UIMC1: variants seen among roughly 807,000 people sequenced by gnomAD.
UIMC1 encodes the protein BRCA1-A complex subunit RAP80.
In UIMC1, 42 loss-of-function variants were observed where a neutral mutation model predicts 84.9. That is an observed-to-expected ratio of 0.49 (90% CI 0.39 to 0.64). UIMC1 has a LOEUF of 0.64. Among genes scored for constraint, UIMC1 ranks in the 30% least tolerant of loss-of-function variants. UIMC1 has a pLI of 0.00. For missense variants in UIMC1, 825 were observed against 847.6 expected (o/e 0.97, Z 0.33); for synonymous variants, 281 against 293.0 (o/e 0.96, Z 0.42).
At chr5:177,017,027 AATGAAATGAAAT>A (rs2149555609) in intron 1 of UIMC1, among the ~76,000 whole-genome samples, 1 of 152,322 alleles carries the variant, frequency 6.6e-6, no homozygotes, top group South Asian at 2.1e-4. Context: ...CTGTCAAAAT[AATGAAATGAAAT>A]ATGAAATGAA....
chr5:176,945,957 T>C lies in UIMC1; in HGVS notation c.1444-2469A>G, dbSNP rs1238812232. ...ATTGTAAATTCTTATCTCTGTATAC[T>C]ATACTTCTACATAGAAATGTACTGT... On this transcript the variant is annotated intron_variant, in intron 9 of 14. Transcript: ENST00000511320. Among the ~76,000 whole-genome samples the C allele has an allele frequency of 2.0e-5, 3 of 152,222 alleles. No homozygotes were observed. The East Asian group carries it at 5.8e-4, about 29-fold the overall frequency.
At chr5:176,919,702 C>A (rs924009886) in intron 10 of UIMC1, among the ~76,000 whole-genome samples, 1 of 152,212 alleles carries the variant, frequency 6.6e-6, no homozygotes, top group Non-Finnish European at 1.5e-5. Context: ...CATGGTTTTG[C>A]AAGTGGATAT....
At chr5:177,021,907 C>T (rs1288531898) in intron 1 of UIMC1, among the ~76,000 whole-genome samples, 1 of 152,188 alleles carries the variant, frequency 6.6e-6, no homozygotes, top group Admixed American at 6.5e-5. Flanking sequence ...CCCCCTTAGC[C>T]TCCCAAAGTG....
chr5:177,007,340 C>CAAAAAAAAA, upstream of UIMC1, among the ~76,000 whole-genome samples: 1 of 58,396 alleles, frequency 1.7e-5, no homozygotes. Context: ...GACTCCGTCT[C>CAAAAAAAAA]AAAAAAAAAA....
Position 176,905,554 on chromosome 5 carries a change from T to C in UIMC1, c.1950-62A>G. 7 of 1,469,128 alleles carry C rather than the reference T, an allele frequency of 4.8e-6. No homozygotes were observed. The East Asian group carries it at 6.8e-5, about 14-fold the overall frequency. The allele number at this position is 1,469,128 out of a possible 1,614,324, so 91.0% of individuals were successfully genotyped here. A position where few individuals can be genotyped will look rare whatever the true frequency, so the allele number is the denominator to read the frequency against. ...CCTACTAAGCATCAAGGACATGCTATGCACTGTATCAGGGGATTTTACATA... is the reference window on the plus strand; with the variant it reads ...CCTACTAAGCATCAAGGACATGCTACGCACTGTATCAGGGGATTTTACATA... On this transcript the variant is annotated intron_variant, in intron 14 of 14. Transcript: ENST00000511320.
Position 176,906,032 on chromosome 5 carries a change from G to C in UIMC1, c.1928C>G (p.Ser643Cys), listed in dbSNP as rs564538998. 6 of 1,614,040 alleles carry C rather than the reference G, an allele frequency of 3.7e-6. No homozygotes were observed. Among genetic ancestry groups the C allele is most frequent in the Non-Finnish European group, 5.1e-6 (6 of 1,179,960 alleles). The change falls in exon 14 of 15, where the codon TCT becomes TGT. Residue 643 changes from serine to cysteine, a missense_variant. Coordinates refer to ENST00000511320, the MANE Select transcript of UIMC1 (RefSeq NM_001199298.2). ...EHKTSDADIKSSETGAFRVPS... is the reference protein window; with the variant it reads ...EHKTSDADIKCSETGAFRVPS... ...TCACCTGAAGGCTCCTGTTTCTGAAGACTTGATGTCTGCATCTGTGATATA... is the reference window on the plus strand; with the variant it reads ...TCACCTGAAGGCTCCTGTTTCTGAACACTTGATGTCTGCATCTGTGATATA...
intron 1 of UIMC1, among the ~76,000 whole-genome samples, chr5:177,003,173 A>C (rs1774783151): frequency 6.6e-6 from 1 of 152,144 alleles, no homozygotes; most frequent in South Asian, 2.1e-4. Context: ...TATTTCTATA[A>C]TTTTAAAAAA....
intron 10 of UIMC1, among the ~76,000 whole-genome samples, chr5:176,933,208 T>C (rs959612745): frequency 2.0e-5 from 3 of 152,146 alleles, no homozygotes; most frequent in Non-Finnish European, 4.4e-5. Flanking sequence ...GTATAAACTA[T>C]AAGAACAATA....
chr5:176,909,236 C>T (rs953201061), intron 11 of UIMC1, among the ~76,000 whole-genome samples: 2 of 152,056 alleles, frequency 1.3e-5, no homozygotes, highest in African/African-American at 2.4e-5. Flanking sequence ...GAGGCTTTTG[C>T]GTAATTTTAT....
Position 176,969,078 on chromosome 5 carries a change from TCAGCCGAGTG to T in UIMC1, c.667_676del (p.His223SerfsTer36). Reference sequence around the variant, plus strand: ...CTGTGGCTTCCCACACTGTGTGTGCTCAGCCGAGTGGCCAGTACATCTGTCAAAAGATTTA... The same window carrying T: ...CTGTGGCTTCCCACACTGTGTGTGCTGCCAGTACATCTGTCAAAAGATTTA... On this transcript the variant is annotated frameshift_variant, in exon 6 of 15. Transcript: ENST00000511320. LOFTEE classifies it high-confidence loss of function. 1 of 1,614,222 alleles carries T rather than the reference TCAGCCGAGTG, an allele frequency of 6.2e-7. No individual in the cohort carries two copies. Among genetic ancestry groups the T allele is most frequent in the Non-Finnish European group, 8.5e-7 (1 of 1,180,040 alleles).
At chr5:176,940,407 C>T (rs1334228286) in intron 10 of UIMC1, among the ~76,000 whole-genome samples, 2 of 152,118 alleles carry the variant, frequency 1.3e-5, no homozygotes, top group African/African-American at 4.8e-5. Flanking sequence ...CTCAATGGGG[C>T]ATTCAGTTTC....
chr5:177,015,932 T>C (rs2149555190), intron 1 of UIMC1, among the ~76,000 whole-genome samples: 1 of 151,972 alleles, frequency 6.6e-6, no homozygotes, highest in Non-Finnish European at 1.5e-5. Context: ...TAGCCAGACG[T>C]GGTGGCGCAC....
At chr5:176,917,256 T>C (rs1273311284) in intron 10 of UIMC1, among the ~76,000 whole-genome samples, 1 of 152,046 alleles carries the variant, frequency 6.6e-6, no homozygotes, top group Non-Finnish European at 1.5e-5. Flanking sequence ...CAGAGACCAG[T>C]CTCAATTAAA....
chr5:177,014,213 C>T (rs187113), intron 1 of UIMC1, among the ~76,000 whole-genome samples: 62,625 of 151,154 alleles, frequency 0.41, 13,191 homozygotes, highest in East Asian at 0.48. Flanking sequence ...ACACCATGCC[C>T]GGCTGATTTT....
intron 10 of UIMC1, among the ~76,000 whole-genome samples, chr5:176,924,081 G>T (rs895594168): frequency 6.6e-6 from 1 of 151,946 alleles, no homozygotes; most frequent in Non-Finnish European, 1.5e-5. Flanking sequence ...ACTTTGGGGG[G>T]CCGAGGCAGG....
chr5:176,983,519 T>C (rs1445917381), intron 1 of UIMC1, among the ~76,000 whole-genome samples: 6 of 151,806 alleles, frequency 4.0e-5, no homozygotes, highest in African/African-American at 1.5e-4. Context: ...GCAGACGGAG[T>C]CTCGCTCACT....
In UIMC1 at chr5:176,908,562, A is replaced by G. The variant is rs757431425; in HGVS notation, c.1809T>C (p.Thr603=). 3 of 1,614,092 alleles carry G rather than the reference A, an allele frequency of 1.9e-6. No homozygotes were observed. Among genetic ancestry groups the G allele is most frequent in the East Asian group, 2.2e-5 (1 of 44,888 alleles). Reference sequence around the variant, plus strand: ...GCCTCTGCTGCCACTTCCCCTCCACAGTTGAACATGCTCTTCCACTCCCTT... The same window carrying G: ...GCCTCTGCTGCCACTTCCCCTCCACGGTTGAACATGCTCTTCCACTCCCTT... The part of the protein sequence containing the change: ...GPEGSGRACS[T]VEGKWQQRLK... Residue 603 remains threonine, a synonymous_variant, in exon 12 of 15, where the codon ACT becomes ACC. Coordinates refer to ENST00000511320, the MANE Select transcript of UIMC1 (RefSeq NM_001199298.2).
At chr5:177,020,605 G>T (rs1018079453) in intron 1 of UIMC1, among the ~76,000 whole-genome samples, 4 of 152,046 alleles carry the variant, frequency 2.6e-5, no homozygotes, top group African/African-American at 9.7e-5. Context: ...TAATTTTTTT[G>T]TATTTTTAGT....
At chr5:177,005,741 T>C (rs186905697) in intron 1 of UIMC1, among the ~76,000 whole-genome samples, 2 of 151,908 alleles carry the variant, frequency 1.3e-5, no homozygotes, top group Non-Finnish European at 2.9e-5. Context: ...GACAGAAGCA[T>C]AAACTTTTCA....
Sources: gnomAD v4.1 joint callset for allele counts (sites outside exome capture counted in the v4.1 genomes callset) on GRCh38, gnomAD v4.1.1 for gene constraint, MANE v1.5 for transcripts, NCBI Gene and HGNC (gene_info 2026-07-23, HGNC 2026-07-21) for gene names.